MYRFL: variants seen among roughly 807,000 people sequenced by gnomAD.
MYRFL encodes myelin regulatory factor like.
Under a neutral mutation model 109.4 loss-of-function variants are expected in MYRFL, and 88 were observed. That is an observed-to-expected ratio of 0.80 (90% CI 0.68 to 0.96). The LOEUF (loss-of-function observed/expected upper bound fraction) is 0.96, where lower values mean the gene tolerates loss of function less well. Ranked by LOEUF, MYRFL falls within the 40% of genes least tolerant of loss-of-function variation. The pLI, the probability that MYRFL is intolerant of heterozygous loss-of-function variation, is 0.00. For missense variants in MYRFL, 957 were observed against 954.9 expected (o/e 1.00, Z -0.03); for synonymous variants, 324 against 320.9 (o/e 1.01, Z -0.10).
Position 69,879,383 on chromosome 12 carries a change from G to A in MYRFL, c.394G>A (p.Asp132Asn), listed in dbSNP as rs1472460688. The A allele has an allele frequency of 2.8e-6, 2 of 702,770 alleles. No individual in the cohort carries two copies. The highest frequency in any genetic ancestry group is 5.2e-6 in the Non-Finnish European group (2 of 384,850). The allele number at this position is 702,770 out of a possible 1,614,324, so 43.5% of individuals were successfully genotyped here. A position where few individuals can be genotyped will look rare whatever the true frequency, so the allele number is the denominator to read the frequency against. Residue 132 changes from aspartate to asparagine, a missense_variant, in exon 4 of 25, where the codon GAC becomes AAC. Coordinates refer to ENST00000552032, the MANE Select transcript of MYRFL (RefSeq NM_182530.3). The part of the protein sequence containing the change: ...SNASHLATPL[D>N]QSVSSHLGIG... ...CGCCAGTCATCTTGCCACCCCCCTG[G>A]ACCAATCCGTGTCCTCCCATCTGGG...
intron 1 of MYRFL, among the ~76,000 whole-genome samples, chr12:69,829,255 G>T (rs575359587): frequency 9.5e-4 from 144 of 152,188 alleles, no homozygotes; most frequent in African/African-American, 3.3e-3. Context: ...CCCCTGTCTC[G>T]CTGCTTAAGA....
intron 16 of MYRFL, among the ~76,000 whole-genome samples, 155 bp downstream of exon 16, chr12:69,932,753 C>A (rs1955307521): frequency 1.3e-5 from 2 of 151,830 alleles, no homozygotes; most frequent in Admixed American, 6.6e-5. Flanking sequence ...AATGAGGGAA[C>A]CTTTTTTGAA....
At chr12:69,937,836 A>C (rs900942918) in intron 19 of MYRFL, among the ~76,000 whole-genome samples, 1 of 152,238 alleles carries the variant, frequency 6.6e-6, no homozygotes, top group Non-Finnish European at 1.5e-5. Context: ...AGTCTTGGTT[A>C]AATAACTTTT....
chr12:69,952,117 C>A lies in MYRFL; in HGVS notation c.2229C>A (p.Asp743Glu). The change falls in exon 20 of 25, where the codon GAC (aspartate) becomes GAA (glutamate). Residue 743 changes from aspartate to glutamate, a missense_variant. Physicochemically the swap from Asp to Glu is conservative, Grantham distance 45. Coordinates refer to ENST00000552032, the MANE Select transcript of MYRFL (RefSeq NM_182530.3). The stretch of plus-strand genomic sequence containing the variant: ...ACAGACTTGTTTCCTTTTCAGAAGA[C>A]AAAAGCAAATCAGTTTTGGCAAGAA... ...KEFHQRRWSE[D>E]KSKSVLARNA... 3 of 1,536,060 alleles carry A rather than the reference C, an allele frequency of 2.0e-6. No homozygotes were observed. The highest frequency in any genetic ancestry group is 2.6e-6 in the Non-Finnish European group (3 of 1,146,862).
At chr12:69,955,241 C>T (rs1040911432) in intron 21 of MYRFL, 122 bp from the exon 22 acceptor site, 2 of 383,572 alleles carry the variant, frequency 5.2e-6, no homozygotes, top group African/African-American at 4.2e-5. Flanking sequence ...CTCAGTTTTC[C>T]ATATTTATTA....
intron 5 of MYRFL, among the ~76,000 whole-genome samples, chr12:69,885,429 C>A (rs1886387630): frequency 1.3e-5 from 2 of 151,924 alleles, no homozygotes; most frequent in Non-Finnish European, 2.9e-5. Flanking sequence ...GATGAAAAAA[C>A]AACCCAGCTC....
At chr12:69,880,406 C>T in intron 5 of MYRFL, 114 bp downstream of exon 5, 1 of 599,606 alleles carries the variant, frequency 1.7e-6, no homozygotes, top group East Asian at 2.8e-5. Context: ...CACAGAAGAG[C>T]AATGATAAGC....
At chr12:69,855,474 G>C (rs1884219908) in intron 2 of MYRFL, 104 bp downstream of exon 2, 1 of 606,980 alleles carries the variant, frequency 1.6e-6, no homozygotes. Flanking sequence ...AAAATAACTT[G>C]GGTAGAGTTG....
intron 11 of MYRFL, among the ~76,000 whole-genome samples, chr12:69,906,863 G>A (rs1383298798): frequency 6.6e-6 from 1 of 152,232 alleles, no homozygotes; most frequent in Non-Finnish European, 1.5e-5. Context: ...TGTCTGTGAT[G>A]CAATTCTTGA....
At chr12:69,870,834 T>C (rs1885309649) in intron 2 of MYRFL, among the ~76,000 whole-genome samples, 1 of 152,216 alleles carries the variant, frequency 6.6e-6, no homozygotes, top group Non-Finnish European at 1.5e-5. Context: ...CCAACACATA[T>C]TCCTGTCACT....
At chr12:69,882,489 G>T (rs1011499109) in intron 5 of MYRFL, among the ~76,000 whole-genome samples, 1 of 152,130 alleles carries the variant, frequency 6.6e-6, no homozygotes, top group African/African-American at 2.4e-5. Flanking sequence ...GAAGGAGGAG[G>T]TTATGCCAGT....
At chr12:69,893,965 ATAGAATCCAAATTAATAAT>A (rs1887066801) in intron 8 of MYRFL, 125 bp downstream of exon 8, 6 of 242,932 alleles carry the variant, frequency 2.5e-5, no homozygotes, top group Non-Finnish European at 4.4e-5. Context: ...GAAACCTACC[ATAGAATCCAAATTAATAAT>A]GTTAATTTTT....
chr12:69,924,448 T>C (rs1152967), intron 13 of MYRFL, among the ~76,000 whole-genome samples: 41,741 of 152,008 alleles, frequency 0.27, 6,065 homozygotes, highest in Non-Finnish European at 0.33. Flanking sequence ...ATTCTTCCTT[T>C]CTTTTTACAG....
chr12:69,950,687 T>G (rs986179337), intron 19 of MYRFL, among the ~76,000 whole-genome samples: 4 of 152,142 alleles, frequency 2.6e-5, no homozygotes, highest in Non-Finnish European at 5.9e-5. Flanking sequence ...GGAAAACTGG[T>G]ATTTAGCATT....
intron 11 of MYRFL, among the ~76,000 whole-genome samples, chr12:69,906,010 C>A (rs1015938487): frequency 2.0e-5 from 3 of 152,158 alleles, no homozygotes; most frequent in Non-Finnish European, 4.4e-5. Context: ...GGACTGGAAG[C>A]AATTTCTTAT....
intron 1 of MYRFL, among the ~76,000 whole-genome samples, chr12:69,842,748 G>C (rs1490566900): frequency 1.3e-5 from 2 of 152,116 alleles, no homozygotes; most frequent in Non-Finnish European, 2.9e-5. Flanking sequence ...CTTTTACCTA[G>C]TGAATCCCTA....
intron 1 of MYRFL, among the ~76,000 whole-genome samples, chr12:69,846,234 A>C (rs932373238): frequency 5.3e-5 from 8 of 150,024 alleles, no homozygotes; most frequent in African/African-American, 1.7e-4. Flanking sequence ...ACATGTGCAC[A>C]ATGTGCAGGT....
chr12:69,869,913 ACTAGCTGGAGGG>A (rs1885241017), intron 2 of MYRFL, among the ~76,000 whole-genome samples: 1 of 152,160 alleles, frequency 6.6e-6, no homozygotes, highest in South Asian at 2.1e-4. Context: ...TATCACCTCA[ACTAGCTGGAGGG>A]CAAAGTCTAT....
chr12:69,911,959 A>G (rs920879600), intron 13 of MYRFL, among the ~76,000 whole-genome samples: 1 of 152,212 alleles, frequency 6.6e-6, no homozygotes, highest in South Asian at 2.1e-4. Flanking sequence ...TGCAATTCCA[A>G]CCAGCCTCCT....
Sources: gnomAD v4.1 joint callset for allele counts (sites outside exome capture counted in the v4.1 genomes callset) on GRCh38, gnomAD v4.1.1 for gene constraint, MANE v1.5 for transcripts, NCBI Gene and HGNC (gene_info 2026-07-23, HGNC 2026-07-21) for gene names.